The following ZNF804B variants were observed in gnomAD, a reference collection of about 807,000 sequenced individuals.
ZNF804B encodes the protein zinc finger 804B.
A neutral mutation model predicts 101.4 loss-of-function variants in ZNF804B; 80 were observed. The observed-to-expected ratio is 0.79, with a 90% CI of 0.66 to 0.95. ZNF804B has a LOEUF of 0.95. Among genes scored for constraint, ZNF804B ranks in the 40% least tolerant of loss-of-function variants. ZNF804B has a pLI of 0.00. For missense variants in ZNF804B, 1,673 were observed against 1,561.9 expected, an observed-to-expected ratio of 1.07 and a Z score of -1.20; for synonymous variants, 622 against 558.8, an observed-to-expected ratio of 1.11 and a Z score of -1.59.
chr7:89,060,362 A>C (rs1376394212), intron 1 of ZNF804B, among the ~76,000 whole-genome samples: 1 of 152,134 alleles, frequency 6.6e-6, no homozygotes, highest in Non-Finnish European at 1.5e-5. Context: ...TCTTGCAAAA[A>C]GGCTGTGATA....
intron 1 of ZNF804B, among the ~76,000 whole-genome samples, chr7:88,973,461 A>G (rs1356333480): frequency 6.6e-6 from 1 of 151,384 alleles, no homozygotes; most frequent in Non-Finnish European, 1.5e-5. Flanking sequence ...TTTTGATCAA[A>G]GATGAACATG....
At chr7:88,819,871 T>G (rs1259978804) in intron 1 of ZNF804B, among the ~76,000 whole-genome samples, 1 of 152,204 alleles carries the variant, frequency 6.6e-6, no homozygotes, top group East Asian at 1.9e-4. Flanking sequence ...TCAAAAGAAC[T>G]GACCCATTTG....
At chr7:89,282,652 G>A (rs1790117993) in intron 2 of ZNF804B, among the ~76,000 whole-genome samples, 1 of 152,094 alleles carries the variant, frequency 6.6e-6, no homozygotes, top group Non-Finnish European at 1.5e-5. Flanking sequence ...TGTCTTGAGG[G>A]GGTACGATTA....
intron 1 of ZNF804B, among the ~76,000 whole-genome samples, chr7:89,035,712 CA>C (rs1562866675): frequency 6.7e-6 from 1 of 149,134 alleles, no homozygotes. Context: ...TGTAATGAGC[CA>C]AAAAAAATGG....
chr7:89,171,341 T>C (rs866682909), intron 1 of ZNF804B, among the ~76,000 whole-genome samples: 12,417 of 121,100 alleles, frequency 0.1, 1,048 homozygotes, highest in Non-Finnish European at 0.14. Context: ...CTTCTTCTTC[T>C]TCTTCTTCTT....
chr7:88,946,938 AG>A (rs1180688061), intron 1 of ZNF804B, among the ~76,000 whole-genome samples: 1 of 152,050 alleles, frequency 6.6e-6, no homozygotes, highest in Non-Finnish European at 1.5e-5. Flanking sequence ...TTGTCATTAG[AG>A]AAATGCAAAT....
chr7:89,242,657 A>C (rs1789388800), intron 2 of ZNF804B, among the ~76,000 whole-genome samples: 1 of 151,860 alleles, frequency 6.6e-6, no homozygotes, highest in Admixed American at 6.6e-5. Flanking sequence ...AAAATAATAC[A>C]GTATTAGGAT....
chr7:88,970,567 C>T (rs1027619208), intron 1 of ZNF804B, among the ~76,000 whole-genome samples: 4 of 151,278 alleles, frequency 2.6e-5, no homozygotes, highest in African/African-American at 7.3e-5. Context: ...TATTTTATTT[C>T]TTACCTATGT....
At chr7:88,930,042 G>A (rs186299692) in intron 1 of ZNF804B, among the ~76,000 whole-genome samples, 32 of 151,926 alleles carry the variant, frequency 2.1e-4, no homozygotes, top group African/African-American at 7.0e-4. Flanking sequence ...TGTCCACATA[G>A]TCTTAAATTT....
intron 1 of ZNF804B, among the ~76,000 whole-genome samples, chr7:88,970,981 TA>T (rs1436853087): frequency 5.9e-5 from 8 of 134,630 alleles, no homozygotes; most frequent in Admixed American, 5.9e-4. Context: ...TAATAAAATT[TA>T]AAAAAAGAAC....
intron 2 of ZNF804B, among the ~76,000 whole-genome samples, chr7:89,295,141 A>G (rs1790361808): frequency 6.6e-6 from 1 of 152,100 alleles, no homozygotes; most frequent in South Asian, 2.1e-4. Context: ...GTATTAATGT[A>G]TTATTATCTG....
chr7:88,939,192 A>G (rs1350257255), intron 1 of ZNF804B, among the ~76,000 whole-genome samples: 2 of 151,944 alleles, frequency 1.3e-5, no homozygotes, highest in African/African-American at 4.8e-5. Flanking sequence ...TAGATGTTCA[A>G]ATTCTGTATA....
intron 2 of ZNF804B, among the ~76,000 whole-genome samples, chr7:89,266,709 A>G (rs903843548): frequency 1.2e-4 from 18 of 152,092 alleles, no homozygotes; most frequent in Admixed American, 6.6e-4. Flanking sequence ...TTTTATCCAC[A>G]TATGCTTTCT....
At chr7:89,066,977 A>G (rs991466945) in intron 1 of ZNF804B, among the ~76,000 whole-genome samples, 1 of 151,960 alleles carries the variant, frequency 6.6e-6, no homozygotes, top group East Asian at 1.9e-4. Flanking sequence ...TGGTTATTTT[A>G]TCATCCTACA....
intron 1 of ZNF804B, among the ~76,000 whole-genome samples, chr7:88,893,871 A>G (rs935462135): frequency 3.3e-5 from 5 of 152,208 alleles, no homozygotes; most frequent in African/African-American, 1.2e-4. Flanking sequence ...TGGGGACATT[A>G]TTACAAGTTA....
intron 1 of ZNF804B, among the ~76,000 whole-genome samples, chr7:88,871,098 T>A (rs1307061980): frequency 1.3e-5 from 2 of 152,206 alleles, no homozygotes; most frequent in Non-Finnish European, 2.9e-5. Context: ...TGATTTTTTA[T>A]TAAACCCGAG....
At chr7:89,154,260 G>T (rs1034222406) in intron 1 of ZNF804B, among the ~76,000 whole-genome samples, 3 of 152,050 alleles carry the variant, frequency 2.0e-5, no homozygotes, top group African/African-American at 7.2e-5. Flanking sequence ...TATAGAAAAG[G>T]GAACACTTAT....
intron 1 of ZNF804B, among the ~76,000 whole-genome samples, chr7:89,151,546 GATTATTGC>G (rs1290852259): frequency 6.6e-6 from 1 of 152,006 alleles, no homozygotes; most frequent in Non-Finnish European, 1.5e-5. Flanking sequence ...TGTTGTCCAT[GATTATTGC>G]CATTAAATTT....
intron 3 of ZNF804B, among the ~76,000 whole-genome samples, 190 bp from the exon 4 acceptor site, chr7:89,333,173 C>A (rs757218868): frequency 4.0e-5 from 6 of 151,780 alleles, no homozygotes; most frequent in Non-Finnish European, 7.4e-5. Context: ...TACATGTAAA[C>A]AATTCATTTT....
Sources: allele counts gnomAD v4.1 joint callset (sites outside exome capture counted in the v4.1 genomes callset), GRCh38; gene constraint gnomAD v4.1.1; transcripts MANE v1.5; gene names NCBI Gene and HGNC (gene_info 2026-07-23, HGNC 2026-07-21).